The following PGS1 variants were observed in gnomAD, a reference collection of about 807,000 sequenced individuals.
PGS1 encodes the protein CDP-diacylglycerol--glycerol-3-phosphate 3-phosphatidyltransferase, mitochondrial.
PGS1 carries 44 observed loss-of-function variants against 58.3 expected under a neutral mutation model. The ratio of observed to expected loss-of-function variants is 0.75; its 90% CI spans 0.59 to 0.97. The LOEUF (loss-of-function observed/expected upper bound fraction) is 0.97, where lower values mean the gene tolerates loss of function less well. Among genes scored for constraint, PGS1 ranks in the 50% least tolerant of loss-of-function variants. The pLI is 0.00. For missense variants in PGS1, 684 were observed against 731.1 expected, an observed-to-expected ratio of 0.94 and a Z score of 0.74; for synonymous variants, 330 against 311.0, an observed-to-expected ratio of 1.06 and a Z score of -0.64.
intron 1 of PGS1, among the ~76,000 whole-genome samples, chr17:78,382,445 G>A (rs1419993080): frequency 2.6e-5 from 4 of 152,140 alleles, no homozygotes; most frequent in Non-Finnish European, 4.4e-5. Flanking sequence ...TACATTTCAC[G>A]AAAACGGAGT....
At chr17:78,413,966 T>A (rs1022756519) in intron 7 of PGS1, among the ~76,000 whole-genome samples, 4 of 152,252 alleles carry the variant, frequency 2.6e-5, no homozygotes, top group Non-Finnish European at 5.9e-5. Context: ...ACTGTGATAC[T>A]GACTGGCTCA....
Position 78,399,410 on chromosome 17 carries a change from G to GTCTCCC in PGS1, c.578_583dup (p.Ser193_Leu194dup). ...GCGGAGGTTCCCAGAGCAGGTCCGA[G>GTCTCCC]TCTCCCTCTTTCACACGCCGCACCT... On this transcript the variant is annotated inframe_insertion, in exon 5 of 10. Transcript: ENST00000262764. The GTCTCCC allele has an allele frequency of 1.2e-6, 2 of 1,614,116 alleles. No homozygotes were observed. Among genetic ancestry groups the GTCTCCC allele is most frequent in the Non-Finnish European group, 1.7e-6 (2 of 1,180,026 alleles).
In PGS1 at chr17:78,402,707, G is replaced by A. The variant is rs574947292; in HGVS notation, c.881-861G>A. ...AGGTGATCTGCCCGCTCCTGCCTCC[G>A]TAAGTGCTGTGCTGGGATTATAGGC... On this transcript the variant is annotated intron_variant, in intron 6 of 9. Transcript: ENST00000262764. Among the ~76,000 whole-genome samples, 8 of 152,278 alleles carry A rather than the reference G, an allele frequency of 5.3e-5. No homozygotes were observed. In the East Asian group the frequency reaches 1.5e-3, roughly 29 times the overall value.
chr17:78,394,744 A>G (rs2083099743), intron 2 of PGS1, among the ~76,000 whole-genome samples: 1 of 151,962 alleles, frequency 6.6e-6, no homozygotes, highest in Non-Finnish European at 1.5e-5. Flanking sequence ...TAGTAGAGAC[A>G]GGGTTTCTCC....
In PGS1 at chr17:78,424,371, G is replaced by A; in HGVS notation, c.*321G>A. The stretch of plus-strand genomic sequence containing the variant: ...CCCGCTGGGCTCAAGGAACAGCTCA[G>A]CTAAAGCCCTCGGGTTCCATCCGTT... On this transcript the variant is annotated 3_prime_UTR_variant, in exon 10 of 10. Coordinates refer to ENST00000262764, the MANE Select transcript of PGS1 (RefSeq NM_024419.5). 1.9e-6 allele frequency: 1 copy of A among 522,184 alleles called. No individual in the cohort carries two copies. Among genetic ancestry groups the A allele is most frequent in the Non-Finnish European group, 3.3e-6 (1 of 298,964 alleles). The allele number at this position is 522,184 out of a possible 1,614,324, so 32.3% of individuals were successfully genotyped here.
At chr17:78,405,924 G>A (rs954099616) in intron 7 of PGS1, among the ~76,000 whole-genome samples, 1 of 152,216 alleles carries the variant, frequency 6.6e-6, no homozygotes, top group Non-Finnish European at 1.5e-5. Flanking sequence ...ACACAGCTGT[G>A]TTGTTGAGAC....
At chr17:78,394,913 A>G (rs564635541) in intron 2 of PGS1, among the ~76,000 whole-genome samples, 1 of 152,246 alleles carries the variant, frequency 6.6e-6, no homozygotes, top group Non-Finnish European at 1.5e-5. Context: ...TGGGAGGATG[A>G]CTGACTGTCT....
Position 78,385,484 on chromosome 17 carries a change from T to G in PGS1, c.143+6676T>G, listed in dbSNP as rs2082316990. Among the ~76,000 whole-genome samples the G allele has an allele frequency of 1.3e-5, 2 of 152,088 alleles. 1 individual carries two copies. The highest frequency in any genetic ancestry group is 4.1e-4 in the South Asian group (2 of 4,830). ...TTTGTAATTTTTAGTAGAGATGGGG[T>G]TTCACCATGTTAGCCAGGATGGTCT... On this transcript the variant is annotated intron_variant, in intron 1 of 9. Transcript: ENST00000262764.
At chr17:78,411,637 C>T (rs2084703459) in intron 7 of PGS1, among the ~76,000 whole-genome samples, 1 of 152,224 alleles carries the variant, frequency 6.6e-6, no homozygotes, top group African/African-American at 2.4e-5. Flanking sequence ...ATCGTTCCTG[C>T]TGCACGTCTC....
intron 2 of PGS1, 31 bp from the exon 3 acceptor site, chr17:78,396,277 A>G (rs2146173285): frequency 1.3e-6 from 2 of 1,557,310 alleles, no homozygotes; most frequent in Non-Finnish European, 1.8e-6. Flanking sequence ...AAAATGATGA[A>G]TTTGAATTTT....
chr17:78,395,647 G>A (rs1442880771), intron 2 of PGS1, among the ~76,000 whole-genome samples: 4 of 152,224 alleles, frequency 2.6e-5, no homozygotes, highest in East Asian at 1.9e-4. Context: ...GGGCACTGAT[G>A]TGTTCTGCTC....
intron 2 of PGS1, among the ~76,000 whole-genome samples, chr17:78,395,716 T>C (rs550245179): frequency 1.3e-5 from 2 of 152,276 alleles, no homozygotes; most frequent in South Asian, 2.1e-4. Flanking sequence ...AGTATGGACA[T>C]TGGAAACTGC....
chr17:78,379,175 G>C (rs537836589), intron 1 of PGS1, among the ~76,000 whole-genome samples: 1 of 152,322 alleles, frequency 6.6e-6, no homozygotes, highest in African/African-American at 2.4e-5. Context: ...TCCAGAGGCT[G>C]TTTATATCAT....
In PGS1 at chr17:78,413,529, T is replaced by G. The variant is rs142028790; in HGVS notation, c.1403-1350T>G. On this transcript the variant is annotated intron_variant, in intron 7 of 9. Coordinates refer to ENST00000262764, the MANE Select transcript of PGS1 (RefSeq NM_024419.5). ...TGCTCTTGCCCACAGCCACTCGCTC[T>G]TGCTCACACCTGCTCCCCCTCCCTC... Among the ~76,000 whole-genome samples the G allele has an allele frequency of 2.0e-3, 300 of 152,254 alleles. 8 individuals carry two copies. The East Asian group carries it at 0.051, about 26-fold the overall frequency.
Position 78,403,628 on chromosome 17 carries a change from C to G in PGS1, c.941C>G (p.Ala314Gly), listed in dbSNP as rs1456512974. The change falls in exon 7 of 10, where the codon GCC (alanine) becomes GGC (glycine). Residue 314 changes from alanine to glycine, a missense_variant. Ala to Gly is a moderately conservative substitution (Grantham distance 60). Coordinates refer to ENST00000262764, the MANE Select transcript of PGS1 (RefSeq NM_024419.5). ...NKRVMDVINS[A>G]RTRQQMLHAQ... is the part of the protein sequence containing the mutation. Reference sequence around the variant, plus strand: ...AGGGTCATGGATGTGATCAACTCAGCCAGGACCCGCCAGCAGATGCTGCAT... The same window carrying G: ...AGGGTCATGGATGTGATCAACTCAGGCAGGACCCGCCAGCAGATGCTGCAT... 2.5e-6 allele frequency: 4 copies of G among 1,614,154 alleles called. No individual in the cohort carries two copies. Among genetic ancestry groups the G allele is most frequent in the Admixed American group, 1.7e-5 (1 of 60,026 alleles).
intron 1 of PGS1, among the ~76,000 whole-genome samples, chr17:78,384,752 T>A (rs933833443): frequency 1.3e-5 from 2 of 152,224 alleles, no homozygotes; most frequent in African/African-American, 4.8e-5. Flanking sequence ...CTACATACCC[T>A]GTTTTGAAAA....
chr17:78,402,732 C>T (rs1013155933), intron 6 of PGS1, among the ~76,000 whole-genome samples: 13 of 152,174 alleles, frequency 8.5e-5, no homozygotes, highest in Non-Finnish European at 1.8e-4. Context: ...GGATTATAGG[C>T]GTGAGCCACT....
intron 6 of PGS1, among the ~76,000 whole-genome samples, chr17:78,401,565 G>A (rs761651149): frequency 6.6e-5 from 10 of 152,188 alleles, no homozygotes; most frequent in Admixed American, 4.6e-4. Flanking sequence ...GTCTGAACTT[G>A]GGGAGGAGGA....
At chr17:78,396,478 C>A in intron 3 of PGS1, 93 bp downstream of exon 3, 1 of 873,454 alleles carries the variant, frequency 1.1e-6, no homozygotes, top group South Asian at 1.7e-5. Context: ...GTGGAGCTGC[C>A]TTTCCTTGGC....
Sources: allele counts gnomAD v4.1 joint callset (sites outside exome capture counted in the v4.1 genomes callset), GRCh38; gene constraint gnomAD v4.1.1; transcripts MANE v1.5; gene names NCBI Gene and HGNC (gene_info 2026-07-23, HGNC 2026-07-21).